Variants in AP1M1 observed in about 807,000 individuals in gnomAD.
The protein encoded by AP1M1 is adaptor related protein complex 1 subunit mu 1, also known as AP-1 complex subunit mu-1.
A neutral mutation model predicts 57.1 loss-of-function variants in AP1M1; 18 were observed. That is an observed-to-expected ratio of 0.32 (90% CI 0.22 to 0.47). AP1M1 has a LOEUF of 0.47. Ranked by LOEUF, AP1M1 falls within the 20% of genes least tolerant of loss-of-function variation. The pLI, the probability that AP1M1 is intolerant of heterozygous loss-of-function variation, is 1.00. For missense variants in AP1M1, 362 were observed against 593.5 expected, an observed-to-expected ratio of 0.61 and a Z score of 4.05; for synonymous variants, 241 against 237.9, an observed-to-expected ratio of 1.01 and a Z score of -0.12.
At chr19:16,209,343 T>C in intron 5 of AP1M1, 166 bp downstream of exon 5, 1 of 749,646 alleles carries the variant, frequency 1.3e-6, no homozygotes, top group Non-Finnish European at 2.1e-6. Context: ...CTTATCTTTT[T>C]TTTTTGAGAC....
intron 4 of AP1M1, among the ~76,000 whole-genome samples, chr19:16,208,546 A>G (rs535603119): frequency 2.9e-4 from 44 of 152,140 alleles, no homozygotes; most frequent in Non-Finnish European, 6.2e-4. Context: ...AGCACTTCAC[A>G]TTCACTCGAT....
intron 5 of AP1M1, 49 bp downstream of exon 5, chr19:16,209,226 A>G (rs1198191658): frequency 1.3e-6 from 2 of 1,598,460 alleles, no homozygotes; most frequent in East Asian, 2.2e-5. Context: ...CTCTTCCACG[A>G]TAGAAATAAA....
At chr19:16,204,149 G>A (rs1021929179) in intron 2 of AP1M1, among the ~76,000 whole-genome samples, 3 of 152,098 alleles carry the variant, frequency 2.0e-5, no homozygotes, top group Non-Finnish European at 4.4e-5. Context: ...GGACAGGAGA[G>A]GACATGGGTA....
chr19:16,206,609 G>A lies in AP1M1; in HGVS notation c.267+201G>A. 2.0e-6 allele frequency: 1 copy of A among 511,888 alleles called. No homozygotes were observed. Among genetic ancestry groups the A allele is most frequent in the Non-Finnish European group, 3.5e-6 (1 of 287,182 alleles). 31.7% of individuals were successfully genotyped at this position (511,888 alleles called of 1,614,324 possible). A position where few individuals can be genotyped will look rare whatever the true frequency, so the allele number is the denominator to read the frequency against. Reference sequence around the variant, plus strand: ...ATAGCTCACGTTGCTCCCCTACCGTGGGGAAGAAAGGAAAGTGAACAGGAA... The same window carrying A: ...ATAGCTCACGTTGCTCCCCTACCGTAGGGAAGAAAGGAAAGTGAACAGGAA... On this transcript the variant is annotated intron_variant, in intron 3 of 11. Transcript: ENST00000291439. This position sits in a 1 kb window ranked among gnomAD's most constrained non-coding sequence, Gnocchi z 4.3.
At chr19:16,204,092 G>A (rs181582413) in intron 2 of AP1M1, among the ~76,000 whole-genome samples, 1 of 152,188 alleles carries the variant, frequency 6.6e-6, no homozygotes, top group African/African-American at 2.4e-5. Context: ...GCTTTTAGAT[G>A]TGTGTCTTCT....
rs1024208413 is a variant in AP1M1 at position 16,243,812 on chromosome 19, C to T, written c.*9377C>T. The stretch of plus-strand genomic sequence containing the variant: ...CAAAAATTAACCAGGTGTAGTGGCA[C>T]ACGCCTGTAAATCCCAGCTACTCAG... On this transcript the variant is annotated 3_prime_UTR_variant, in exon 12 of 12. Transcript: ENST00000291439. The T allele has an allele frequency of 7.2e-5, 11 of 152,032 alleles. No homozygotes were observed. The highest frequency in any genetic ancestry group is 2.4e-4 in the African/African-American group (10 of 41,398). The allele number at this position is 152,032 out of a possible 1,614,324, so 9.4% of individuals were successfully genotyped here. A position where few individuals can be genotyped will look rare whatever the true frequency, so the allele number is the denominator to read the frequency against.
chr19:16,237,073 CAG>C lies in AP1M1; in HGVS notation c.*2640_*2641del, dbSNP rs765439967. 3 of 152,190 alleles carry C rather than the reference CAG, an allele frequency of 2.0e-5. No individual in the cohort carries two copies. The highest frequency in any genetic ancestry group is 2.9e-5 in the Non-Finnish European group (2 of 68,028). 9.4% of individuals were successfully genotyped at this position (152,190 alleles called of 1,614,324 possible). On this transcript the variant is annotated 3_prime_UTR_variant, in exon 12 of 12. Transcript: ENST00000291439. ...CATGCGGGTTATAACGTCTACAAAT[CAG>C]AAAAAGAGAACCTAACAAAATGGGC...
In AP1M1 at chr19:16,244,658, G is replaced by C. The variant is rs977024940; in HGVS notation, c.*10223G>C. 6.6e-6 allele frequency: 1 copy of C among 151,676 alleles called. No individual in the cohort carries two copies. The highest frequency in any genetic ancestry group is 1.5e-5 in the Non-Finnish European group (1 of 67,878). 9.4% of individuals were successfully genotyped at this position (151,676 alleles called of 1,614,324 possible). ...ATCCTGGCTAACACGGTGAAACCCCGTCTCTACTAAAAATACAAAAAATTA... is the reference window on the plus strand; with the variant it reads ...ATCCTGGCTAACACGGTGAAACCCCCTCTCTACTAAAAATACAAAAAATTA... On this transcript the variant is annotated 3_prime_UTR_variant, in exon 12 of 12. Transcript: ENST00000291439.
In AP1M1 at chr19:16,203,585, T is replaced by C. The variant is rs371850531; in HGVS notation, c.169T>C (p.Phe57Leu). ...CATCCTGGCCCACGGGGGGGTCCGT[T>C]TCATGTGGATCAAACACAACAACCT... is the stretch of plus-strand genomic sequence containing the variant. ...SPILAHGGVR[F>L]MWIKHNNLYL... Residue 57 changes from phenylalanine to leucine, a missense_variant, in exon 2 of 12, where the codon TTC becomes CTC. Phe to Leu is a conservative substitution (Grantham distance 22, BLOSUM62 0). Transcript: ENST00000291439. This position sits in a 1 kb window ranked among gnomAD's most constrained non-coding sequence, Gnocchi z 4.6. 3 of 1,613,258 alleles carry C rather than the reference T, an allele frequency of 1.9e-6. No individual in the cohort carries two copies. In the African/African-American group the frequency reaches 4.0e-5, roughly 22 times the overall value.
intron 9 of AP1M1, 103 bp from the exon 10 acceptor site, chr19:16,233,390 C>G (rs1829970624): frequency 3.5e-6 from 5 of 1,410,066 alleles, no homozygotes; most frequent in Non-Finnish European, 3.7e-6. Context: ...CCTCCCTGGA[C>G]TGGGGTGAGT....
chr19:16,230,697 C>G (rs1046865338), intron 9 of AP1M1, among the ~76,000 whole-genome samples: 1 of 152,168 alleles, frequency 6.6e-6, no homozygotes, highest in Non-Finnish European at 1.5e-5. Flanking sequence ...CCGTGCCCGG[C>G]TGGTAAACGT....
chr19:16,223,184 T>G (rs2091553422), intron 5 of AP1M1, among the ~76,000 whole-genome samples: 1 of 152,202 alleles, frequency 6.6e-6, no homozygotes, highest in Non-Finnish European at 1.5e-5. Flanking sequence ...CTGTAGGCCA[T>G]GAGCATCACG....
chr19:16,206,561 A>G lies in AP1M1; in HGVS notation c.267+153A>G, dbSNP rs1599453580. 6.8e-6 allele frequency: 5 copies of G among 733,364 alleles called. No homozygotes were observed. The highest frequency in any genetic ancestry group is 2.2e-5 in the Admixed American group (1 of 45,456). 45.4% of individuals were successfully genotyped at this position (733,364 alleles called of 1,614,324 possible). A position where few individuals can be genotyped will look rare whatever the true frequency, so the allele number is the denominator to read the frequency against. ...CAGGAAGTGGGAAAGGGGAGTCCCAACTCCCCACGCCTGTGGAATTCTATA... is the reference window on the plus strand; with the variant it reads ...CAGGAAGTGGGAAAGGGGAGTCCCAGCTCCCCACGCCTGTGGAATTCTATA... On this transcript the variant is annotated intron_variant, in intron 3 of 11. Transcript: ENST00000291439. The surrounding 1 kb of genome is among the most constrained non-coding windows in gnomAD (Gnocchi z 4.3).
intron 1 of AP1M1, among the ~76,000 whole-genome samples, chr19:16,199,419 G>A (rs2091438293): frequency 6.6e-6 from 1 of 152,208 alleles, no homozygotes; most frequent in African/African-American, 2.4e-5. Flanking sequence ...CCAGGTGCAA[G>A]GCAGGTGGCT....
Position 16,206,244 on chromosome 19 carries a change from T to C in AP1M1, c.200-97T>C. ...CTGGGAGTGGGGATAGGGAAGGCTC[T>C]GAGGGTTGTGAGGGTTAGGGGGTCC... On this transcript the variant is annotated intron_variant, in intron 2 of 11. Coordinates refer to ENST00000291439, the MANE Select transcript of AP1M1 (RefSeq NM_032493.4). This position sits in a 1 kb window ranked among gnomAD's most constrained non-coding sequence, Gnocchi z 4.3. 7.9e-7 allele frequency: 1 copy of C among 1,261,568 alleles called. No individual in the cohort carries two copies. The highest frequency in any genetic ancestry group is 2.3e-5 in the East Asian group (1 of 43,018). The allele number at this position is 1,261,568 out of a possible 1,614,324, so 78.1% of individuals were successfully genotyped here.
rs1169788377 is a variant in AP1M1 at position 16,215,216 on chromosome 19, G to T, written c.546+6039G>T. ...AGGCGGGGGCGGGGGGGGGGGAGAG[G>T]GGGGAGGGGGGAGGGGAGGGGATCA... On this transcript the variant is annotated intron_variant, in intron 5 of 11. Coordinates refer to ENST00000291439, the MANE Select transcript of AP1M1 (RefSeq NM_032493.4). 5.1e-4 allele frequency among the ~76,000 whole-genome samples: 26 copies of T among 50,812 alleles called. 2 individuals are homozygous for T. The highest frequency in any genetic ancestry group is 1.5e-3 in the African/African-American group (25 of 16,474). 33.3% of individuals were successfully genotyped at this position (50,812 alleles called of 152,430 possible). A position where few individuals can be genotyped will look rare whatever the true frequency, so the allele number is the denominator to read the frequency against.
intron 5 of AP1M1, among the ~76,000 whole-genome samples, chr19:16,223,140 T>A (rs769990269): frequency 1.5e-4 from 23 of 152,188 alleles, no homozygotes; most frequent in Non-Finnish European, 2.6e-4. Flanking sequence ...CAACAGCCAA[T>A]CTTACTTTCA....
chr19:16,226,480 C>A lies in AP1M1; in HGVS notation c.606C>A (p.Val202=). Residue 202 remains valine (V), a synonymous_variant, in exon 6 of 12, where the codon GTC becomes GTA. Coordinates refer to ENST00000291439, the MANE Select transcript of AP1M1 (RefSeq NM_032493.4). ...SEIVGSIKMR[V]FLSGMPELRL... is the part of the protein sequence containing the mutation. ...TCGTGGGCTCCATCAAGATGCGAGTCTTCCTCTCGGGCATGCCCGAGCTGC... is the reference window on the plus strand; with the variant it reads ...TCGTGGGCTCCATCAAGATGCGAGTATTCCTCTCGGGCATGCCCGAGCTGC... 6.3e-7 allele frequency: 1 copy of A among 1,583,970 alleles called. No homozygotes were observed. The highest frequency in any genetic ancestry group is 1.1e-5 in the South Asian group (1 of 87,682).
chr19:16,217,595 G>A, intron 5 of AP1M1, among the ~76,000 whole-genome samples: 1 of 152,136 alleles, frequency 6.6e-6, no homozygotes, highest in East Asian at 1.9e-4. Flanking sequence ...AGAGGTACCT[G>A]GGGATTGCAC....
Sources: allele counts gnomAD v4.1 joint callset (sites outside exome capture counted in the v4.1 genomes callset), GRCh38; gene constraint gnomAD v4.1.1; non-coding constraint Gnocchi (gnomAD v3.1); transcripts MANE v1.5; gene names NCBI Gene and HGNC (gene_info 2026-07-23, HGNC 2026-07-21).